SRRM3: variants seen among roughly 807,000 people sequenced by gnomAD.
SRRM3 encodes serine/arginine repetitive matrix 3.
A neutral mutation model predicts 66.2 loss-of-function variants in SRRM3; 27 were observed. The observed-to-expected ratio is 0.41, with a 90% CI of 0.30 to 0.56. The LOEUF (loss-of-function observed/expected upper bound fraction) is 0.56. SRRM3 is among the 20% of genes least tolerant of loss of function. The pLI, the probability that SRRM3 is intolerant of heterozygous loss-of-function variation, is 0.32. For missense variants in SRRM3, 918 were observed against 991.9 expected (o/e 0.93, Z 1.00); for synonymous variants, 391 against 414.9 (o/e 0.94, Z 0.70).
chr7:76,216,233 C>T (rs562363514), intron 1 of SRRM3, among the ~76,000 whole-genome samples: 3 of 151,938 alleles, frequency 2.0e-5, no homozygotes, highest in Admixed American at 2.0e-4. Flanking sequence ...GGATTACAGG[C>T]ATGAGCCACC....
At chr7:76,264,878 C>T in intron 9 of SRRM3, 63 bp downstream of exon 9, 1 of 1,546,656 alleles carries the variant, frequency 6.5e-7, no homozygotes, top group Non-Finnish European at 8.9e-7. Context: ...GCAAACTACG[C>T]CTTTTAGAAT....
chr7:76,231,686 A>G (rs1554604244), intron 1 of SRRM3, among the ~76,000 whole-genome samples: 1 of 152,272 alleles, frequency 6.6e-6, no homozygotes, highest in Admixed American at 6.5e-5. Context: ...AGTTTAGAAT[A>G]GGAGTTACAA....
chr7:76,263,013 G>A (rs1345873700), intron 8 of SRRM3, among the ~76,000 whole-genome samples: 2 of 152,106 alleles, frequency 1.3e-5, no homozygotes, highest in African/African-American at 2.4e-5. Flanking sequence ...AATTTGCCAA[G>A]TAGGGGAGGA....
rs183595648 is a variant in SRRM3 at position 76,229,073 on chromosome 7, T to C, written c.-39-5955T>C. Among the ~76,000 whole-genome samples, 118 of 152,110 alleles carry C rather than the reference T, an allele frequency of 7.8e-4. 1 individual carries two copies. Among genetic ancestry groups the C allele is most frequent in the African/African-American group, 2.7e-3 (114 of 41,536 alleles). On this transcript the variant is annotated intron_variant, in intron 1 of 14. Coordinates refer to ENST00000611745, the MANE Select transcript of SRRM3 (RefSeq NM_001110199.3). ...GCCACTACACCCGGCTAATTTTTTG[T>C]ATATTTAGTAGAGACAGGGTTTCAC...
Position 76,228,786 on chromosome 7 carries a change from A to G in SRRM3, c.-39-6242A>G, listed in dbSNP as rs547340892. On this transcript the variant is annotated intron_variant, in intron 1 of 14. Transcript: ENST00000611745. Reference sequence around the variant, plus strand: ...GTCTTCCTGGTGATTCTGATGCCCAATAAAATTTGAAAATGGCTATTTCTA... The same window carrying G: ...GTCTTCCTGGTGATTCTGATGCCCAGTAAAATTTGAAAATGGCTATTTCTA... Among the ~76,000 whole-genome samples the G allele has an allele frequency of 7.9e-5, 12 of 152,234 alleles. No homozygotes were observed. In the South Asian group the frequency reaches 2.1e-3, roughly 26 times the overall value.
At chr7:76,223,829 TC>T in intron 1 of SRRM3, among the ~76,000 whole-genome samples, 1 of 38,214 alleles carries the variant, frequency 2.6e-5, no homozygotes, top group South Asian at 1.2e-3. Context: ...TGCCTTCCCT[TC>T]CCTTCCCTTC....
In SRRM3 at chr7:76,282,632, C is replaced by A; in HGVS notation, c.1371-16C>A. The A allele has an allele frequency of 2.8e-6, 4 of 1,405,450 alleles. No individual in the cohort carries two copies. Among genetic ancestry groups the A allele is most frequent in the Non-Finnish European group, 3.7e-6 (4 of 1,081,812 alleles). 87.1% of individuals were successfully genotyped at this position (1,405,450 alleles called of 1,614,324 possible). ...CGGGTCGCTGAGCCCTATCCCGCGC[C>A]GTCTCCCTCCTCCAGGGCCAAGGAG... is the stretch of plus-strand genomic sequence containing the variant. On this transcript the variant is annotated splice_polypyrimidine_tract_variant and intron_variant, in intron 12 of 14. Coordinates refer to ENST00000611745, the MANE Select transcript of SRRM3 (RefSeq NM_001110199.3).
intron 3 of SRRM3, among the ~76,000 whole-genome samples, chr7:76,249,570 G>A (rs892731148): frequency 1.3e-5 from 2 of 152,332 alleles, no homozygotes; most frequent in Admixed American, 1.3e-4. Context: ...AAACACTGGA[G>A]GAGGCTGCAT....
chr7:76,270,080 T>A (rs1802174092), intron 11 of SRRM3: 1 of 152,170 alleles, frequency 6.6e-6, no homozygotes, highest in Non-Finnish European at 1.5e-5. Context: ...CTGCCGCAGA[T>A]TTTAAATTAA....
chr7:76,207,557 C>T (rs1402254088), intron 1 of SRRM3, among the ~76,000 whole-genome samples: 1 of 152,078 alleles, frequency 6.6e-6, no homozygotes, highest in Non-Finnish European at 1.5e-5. Flanking sequence ...CATGAGCATT[C>T]TCTGATGTCT....
At chr7:76,226,106 A>G (rs1285669355) in intron 1 of SRRM3, among the ~76,000 whole-genome samples, 1 of 152,224 alleles carries the variant, frequency 6.6e-6, no homozygotes, top group Non-Finnish European at 1.5e-5. Flanking sequence ...TGCTGACCTC[A>G]TTAGCTAAGA....
In SRRM3 at chr7:76,201,956, G is replaced by C. The variant is rs1458531241; in HGVS notation, c.-151G>C. On this transcript the variant is annotated 5_prime_UTR_variant, in exon 1 of 15. Coordinates refer to ENST00000611745, the MANE Select transcript of SRRM3 (RefSeq NM_001110199.3). The stretch of plus-strand genomic sequence containing the variant: ...GGGAGGCAGAGGGTGCGGGGCCGTG[G>C]GGGCCGCGGAGCTGCCCTGCCCAAC... 1 of 152,424 alleles carries C rather than the reference G, an allele frequency of 6.6e-6. No individual in the cohort carries two copies. The highest frequency in any genetic ancestry group is 2.4e-5 in the African/African-American group (1 of 41,470). The allele number at this position is 152,424 out of a possible 1,614,324, so 9.4% of individuals were successfully genotyped here.
At chr7:76,252,933 G>C (rs1272218034) in intron 3 of SRRM3, among the ~76,000 whole-genome samples, 5 of 151,864 alleles carry the variant, frequency 3.3e-5, no homozygotes, top group African/African-American at 1.2e-4. Context: ...GGAGGCCAAT[G>C]TGAGTGGATC....
Position 76,205,888 on chromosome 7 carries a change from A to G in SRRM3, c.-40+3821A>G, listed in dbSNP as rs183567190. On this transcript the variant is annotated intron_variant, in intron 1 of 14. Transcript: ENST00000611745. ...ATCAAAGCTTGAAACACTGGAGGTG[A>G]CTTCAACCTCTAATGATGGAACTGC... 7.1e-4 allele frequency among the ~76,000 whole-genome samples: 108 copies of G among 152,340 alleles called. No homozygotes were observed. The Middle Eastern group carries it at 0.024, about 34-fold the overall frequency.
At chr7:76,277,928 A>G (rs782225750) in intron 11 of SRRM3, among the ~76,000 whole-genome samples, 3 of 152,152 alleles carry the variant, frequency 2.0e-5, no homozygotes, top group Non-Finnish European at 4.4e-5. Flanking sequence ...TGAGTTATGC[A>G]CTACTGTGAA....
Position 76,219,223 on chromosome 7 carries a change from C to T in SRRM3, c.-39-15805C>T, listed in dbSNP as rs554423915. On this transcript the variant is annotated intron_variant, in intron 1 of 14. Transcript: ENST00000611745. The stretch of plus-strand genomic sequence containing the variant: ...CTGTCATGCTGGTGTGCAGTGTCCC[C>T]ACTGTCCTCTGTTGATCAGTCGGTC... 2.6e-5 allele frequency among the ~76,000 whole-genome samples: 4 copies of T among 152,322 alleles called. No individual in the cohort carries two copies. In the East Asian group the frequency reaches 5.8e-4, roughly 22 times the overall value.
rs1482915541 is a variant in SRRM3 at position 76,264,689 on chromosome 7, G to A, written c.675-76G>A. The A allele has an allele frequency of 3.3e-6, 5 of 1,494,520 alleles. No homozygotes were observed. The African/African-American group carries it at 4.1e-5, about 12-fold the overall frequency. The allele number at this position is 1,494,520 out of a possible 1,614,324, so 92.6% of individuals were successfully genotyped here. ...GAACAAATCTCAGATCCACACCTGA[G>A]TATACCCAGGCTCCAGGGCACGAAG... On this transcript the variant is annotated intron_variant, in intron 8 of 14. Coordinates refer to ENST00000611745, the MANE Select transcript of SRRM3 (RefSeq NM_001110199.3).
At chr7:76,218,719 C>A (rs1447078849) in intron 1 of SRRM3, among the ~76,000 whole-genome samples, 2 of 129,184 alleles carry the variant, frequency 1.5e-5, no homozygotes, top group African/African-American at 5.9e-5. Flanking sequence ...CACTCTGTTG[C>A]CCAGGCTGGA....
intron 1 of SRRM3, among the ~76,000 whole-genome samples, chr7:76,226,795 T>C (rs1426389124): frequency 6.6e-6 from 1 of 151,916 alleles, no homozygotes; most frequent in African/African-American, 2.4e-5. Flanking sequence ...TTCACCATGT[T>C]GGTCAAGCTG....
Sources: allele counts gnomAD v4.1 joint callset (sites outside exome capture counted in the v4.1 genomes callset), GRCh38; gene constraint gnomAD v4.1.1; transcripts MANE v1.5; gene names NCBI Gene and HGNC (gene_info 2026-07-23, HGNC 2026-07-21).